FBXL7: variants seen among roughly 807,000 people sequenced by gnomAD.
FBXL7 encodes the protein F-box and leucine rich repeat protein 7.
In FBXL7, 12 loss-of-function variants were observed where a neutral mutation model predicts 38.3. The observed-to-expected ratio is 0.31, with a 90% CI of 0.20 to 0.51. The LOEUF is 0.51. Ranked by LOEUF, FBXL7 falls within the 20% of genes least tolerant of loss-of-function variation. FBXL7 has a pLI of 0.98. For missense variants in FBXL7, 567 were observed against 676.4 expected, an observed-to-expected ratio of 0.84 and a Z score of 1.79; for synonymous variants, 297 against 300.9, an observed-to-expected ratio of 0.99 and a Z score of 0.13.
Position 15,500,533 on chromosome 5 carries a change from C to T in FBXL7, c.-144C>T. 2 of 1,160,174 alleles carry T rather than the reference C, an allele frequency of 1.7e-6. No homozygotes were observed. The highest frequency in any genetic ancestry group is 1.3e-6 in the Non-Finnish European group (1 of 768,448). The allele number at this position is 1,160,174 out of a possible 1,614,324, so 71.9% of individuals were successfully genotyped here. Reference sequence around the variant, plus strand: ...CCCTCCCACTGGAGTGCGGGGACCTCTCCAGGCCGGAGGTCGGCCCCGGAG... The same window carrying T: ...CCCTCCCACTGGAGTGCGGGGACCTTTCCAGGCCGGAGGTCGGCCCCGGAG... On this transcript the variant is annotated 5_prime_UTR_variant, in exon 1 of 4. Transcript: ENST00000504595.
chr5:15,501,673 GGAGGAAACTCTTATCATCCT>G, intron 1 of FBXL7: 1 of 985,458 alleles, frequency 1.0e-6, no homozygotes, highest in Non-Finnish European at 1.2e-6. Flanking sequence ...CCTGTGGCCT[GGAGGAAACTCTTATCATCCT>G]GTTCGAAACT....
intron 1 of FBXL7, among the ~76,000 whole-genome samples, chr5:15,615,112 G>T (rs1400040636): frequency 6.6e-6 from 1 of 152,122 alleles, no homozygotes; most frequent in Non-Finnish European, 1.5e-5. Flanking sequence ...CTCCATCACT[G>T]GGCAGTAGAG....
At chr5:15,630,246 A>G (rs1012645908) in intron 2 of FBXL7, among the ~76,000 whole-genome samples, 7 of 107,888 alleles carry the variant, frequency 6.5e-5, no homozygotes, top group African/African-American at 2.3e-4. Context: ...TCCCACATCA[A>G]TTTCAAGGAC....
At chr5:15,543,142 A>G (rs1163263400) in intron 1 of FBXL7, among the ~76,000 whole-genome samples, 1 of 152,232 alleles carries the variant, frequency 6.6e-6, no homozygotes, top group Non-Finnish European at 1.5e-5. Context: ...TGCTGCTAAT[A>G]AAGACATACC....
At chr5:15,712,503 A>G (rs894158489) in intron 2 of FBXL7, among the ~76,000 whole-genome samples, 1 of 152,106 alleles carries the variant, frequency 6.6e-6, no homozygotes, top group African/African-American at 2.4e-5. Flanking sequence ...CATTAACTAT[A>G]TTTTGAAGTG....
chr5:15,680,919 T>G (rs1742823955), intron 2 of FBXL7, among the ~76,000 whole-genome samples: 2 of 152,324 alleles, frequency 1.3e-5, no homozygotes, highest in Middle Eastern at 3.4e-3. Flanking sequence ...GAGACACTAC[T>G]TCAATGCTGA....
At chr5:15,724,296 C>A (rs918052102) in intron 2 of FBXL7, among the ~76,000 whole-genome samples, 4 of 152,014 alleles carry the variant, frequency 2.6e-5, no homozygotes, top group African/African-American at 9.7e-5. Flanking sequence ...TTTTTGGTTG[C>A]TGGTACAAAC....
intron 2 of FBXL7, among the ~76,000 whole-genome samples, chr5:15,880,279 G>T (rs1404414121): frequency 3.7e-5 from 2 of 54,582 alleles, no homozygotes; most frequent in Non-Finnish European, 6.9e-5. Context: ...ACCGCCCTGA[G>T]CTGGCCATAG....
intron 2 of FBXL7, among the ~76,000 whole-genome samples, chr5:15,650,910 C>G (rs1319066810): frequency 6.6e-6 from 1 of 152,106 alleles, no homozygotes; most frequent in African/African-American, 2.4e-5. Flanking sequence ...TCAAAGCCAT[C>G]CATGAGGTTT....
chr5:15,536,465 C>T (rs894404160), intron 1 of FBXL7, among the ~76,000 whole-genome samples: 4 of 152,212 alleles, frequency 2.6e-5, no homozygotes, highest in African/African-American at 9.6e-5. Context: ...CTTCAGAGCC[C>T]ATATCTTGCA....
chr5:15,516,977 G>A (rs1736958706), intron 1 of FBXL7, among the ~76,000 whole-genome samples: 1 of 151,998 alleles, frequency 6.6e-6, no homozygotes, highest in Non-Finnish European at 1.5e-5. Flanking sequence ...GCGTGAGAAC[G>A]GACTAATACA....
At chr5:15,789,118 G>A (rs904502512) in intron 2 of FBXL7, among the ~76,000 whole-genome samples, 2 of 152,066 alleles carry the variant, frequency 1.3e-5, no homozygotes, top group African/African-American at 4.8e-5. Context: ...CCAAAGTGCT[G>A]GGATTACAAG....
intron 3 of FBXL7, among the ~76,000 whole-genome samples, chr5:15,930,562 T>G (rs1001879491): frequency 6.6e-6 from 1 of 152,250 alleles, no homozygotes; most frequent in Non-Finnish European, 1.5e-5. Flanking sequence ...CTTGCGCTTC[T>G]AGCCTTAGTG....
chr5:15,657,431 G>A (rs17523444), intron 2 of FBXL7, among the ~76,000 whole-genome samples: 23,346 of 152,060 alleles, frequency 0.15, 1,894 homozygotes, highest in Non-Finnish European at 0.18. Context: ...AGAACAAATC[G>A]AGATAATTTA....
At chr5:15,681,755 G>A (rs181811501) in intron 2 of FBXL7, among the ~76,000 whole-genome samples, 103 of 152,300 alleles carry the variant, frequency 6.8e-4, no homozygotes, top group African/African-American at 2.4e-3. Context: ...ATAAAGGTGG[G>A]TTAATGCTGG....
At position 15,616,604 on chromosome 5, in the gene FBXL7, T is replaced by C. The variant is rs543699992; in HGVS notation, c.127+532T>C. On this transcript the variant is annotated intron_variant, in intron 2 of 3. Transcript: ENST00000504595. ...TCCTTCCTGTCAGGACAAAGATTGG[T>C]CGCAGTGATTTTCTTGATGAAGAAT... Among the ~76,000 whole-genome samples the C allele has an allele frequency of 3.3e-5, 5 of 152,328 alleles. No individual in the cohort carries two copies. In the South Asian group the frequency reaches 1.0e-3, roughly 32 times the overall value.
chr5:15,584,573 A>G (rs1387090382), intron 1 of FBXL7, among the ~76,000 whole-genome samples: 1 of 152,190 alleles, frequency 6.6e-6, no homozygotes, highest in East Asian at 1.9e-4. Context: ...CACTATCAGC[A>G]TTTTGGTCAA....
chr5:15,541,561 T>TC (rs1737755348), intron 1 of FBXL7, among the ~76,000 whole-genome samples: 1 of 142,296 alleles, frequency 7.0e-6, no homozygotes, highest in African/African-American at 2.6e-5. Flanking sequence ...TTTTTTTTTT[T>TC]TGAGACAGAA....
intron 2 of FBXL7, among the ~76,000 whole-genome samples, chr5:15,926,728 T>G (rs1010169003): frequency 2.0e-5 from 3 of 151,950 alleles, no homozygotes; most frequent in Non-Finnish European, 4.4e-5. Context: ...AGGTTGTTAA[T>G]AAGAAGAAAA....
Sources: gnomAD v4.1 joint callset for allele counts (sites outside exome capture counted in the v4.1 genomes callset) on GRCh38, gnomAD v4.1.1 for gene constraint, MANE v1.5 for transcripts, NCBI Gene and HGNC (gene_info 2026-07-23, HGNC 2026-07-21) for gene names.